Variants in CSMD1 observed in about 807,000 individuals in gnomAD.
The protein encoded by CSMD1 is CUB and Sushi multiple domains 1, also known as CUB and sushi domain-containing protein 1.
Under a neutral mutation model 417.5 loss-of-function variants are expected in CSMD1, and 213 were observed. The ratio of observed to expected loss-of-function variants is 0.51; its 90% CI spans 0.46 to 0.57. CSMD1 has a LOEUF of 0.57. Among genes scored for constraint, CSMD1 ranks in the 20% least tolerant of loss-of-function variants. CSMD1 has a pLI of 0.00. For missense variants in CSMD1, 6,923 were observed against 4,529.7 expected, an observed-to-expected ratio of 1.53 and a Z score of -15.17; for synonymous variants, 2,862 against 1,736.8, an observed-to-expected ratio of 1.65 and a Z score of -16.11.
intron 3 of CSMD1, among the ~76,000 whole-genome samples, chr8:4,200,938 A>C (rs1486432782): frequency 6.6e-6 from 1 of 152,162 alleles, no homozygotes; most frequent in Non-Finnish European, 1.5e-5. Context: ...TGTCTTTTCT[A>C]ATCTCCATAA....
chr8:3,505,003 T>C (rs1212637092), intron 10 of CSMD1, among the ~76,000 whole-genome samples: 1 of 111,804 alleles, frequency 8.9e-6, no homozygotes, highest in Non-Finnish European at 1.8e-5. Flanking sequence ...AAAACAGTGA[T>C]GGAGAAACAG....
intron 5 of CSMD1, among the ~76,000 whole-genome samples, chr8:3,937,865 C>G (rs2912287): frequency 2.0e-5 from 3 of 151,898 alleles, no homozygotes; most frequent in Non-Finnish European, 4.4e-5. Flanking sequence ...AAATATTACT[C>G]GAATTACTGC....
At chr8:3,558,315 AAT>A in intron 10 of CSMD1, among the ~76,000 whole-genome samples, 1 of 136,750 alleles carries the variant, frequency 7.3e-6, no homozygotes, top group Non-Finnish European at 1.6e-5. Flanking sequence ...TCACTCCTCC[AAT>A]GATGAATGAT....
chr8:4,690,068 G>C (rs1806669375), intron 1 of CSMD1, among the ~76,000 whole-genome samples: 1 of 152,168 alleles, frequency 6.6e-6, no homozygotes, highest in Non-Finnish European at 1.5e-5. Context: ...ACATTATACG[G>C]AGAAGAGTTA....
At chr8:3,859,324 T>C (rs986704789) in intron 5 of CSMD1, among the ~76,000 whole-genome samples, 2 of 152,190 alleles carry the variant, frequency 1.3e-5, no homozygotes, top group African/African-American at 4.8e-5. Context: ...GCTCGGCCTA[T>C]TTTTTGTCAC....
At chr8:3,505,034 G>C (rs1220415915) in intron 10 of CSMD1, among the ~76,000 whole-genome samples, 1 of 151,654 alleles carries the variant, frequency 6.6e-6, no homozygotes, top group East Asian at 1.9e-4. Flanking sequence ...AAAAAGTTTT[G>C]CTGCATAAGA....
rs1415384458 is a variant in CSMD1 at position 3,448,420 on chromosome 8, GA to G, written c.1561+20291del. Among the ~76,000 whole-genome samples the G allele has an allele frequency of 1.4e-4, 21 of 148,254 alleles. 2 individuals are homozygous for G. The highest frequency in any genetic ancestry group is 3.5e-4 in the African/African-American group (14 of 40,132). ...AAGGGAAGGAAGGAAGGAAGGAAGG[GA>G]AGGAAGAAGGAGCAATGAAGATGAC... On this transcript the variant is annotated intron_variant, in intron 12 of 69. Transcript: ENST00000635120.
At chr8:4,436,752 A>C (rs1246562361) in intron 2 of CSMD1, among the ~76,000 whole-genome samples, 1 of 152,160 alleles carries the variant, frequency 6.6e-6, no homozygotes, top group Non-Finnish European at 1.5e-5. Flanking sequence ...TAGATCCCAC[A>C]AATAAGTGAT....
intron 5 of CSMD1, among the ~76,000 whole-genome samples, chr8:3,860,896 G>C (rs1316879131): frequency 2.0e-5 from 3 of 152,164 alleles, no homozygotes; most frequent in African/African-American, 7.2e-5. Context: ...GTTAGCACTA[G>C]AAATCTAGTC....
At chr8:4,174,341 G>C (rs968644543) in intron 3 of CSMD1, among the ~76,000 whole-genome samples, 1 of 152,114 alleles carries the variant, frequency 6.6e-6, no homozygotes, top group Non-Finnish European at 1.5e-5. Context: ...CCGTTTTACA[G>C]ATTAAAGTGC....
intron 3 of CSMD1, among the ~76,000 whole-genome samples, chr8:4,143,229 C>A (rs35266565): frequency 0.3 from 45,345 of 150,864 alleles, 8,477 homozygotes; most frequent in Non-Finnish European, 0.39. Context: ...TGGTCTAAAC[C>A]CTCTTATAGG....
At chr8:4,768,700 C>T (rs759313836) in intron 1 of CSMD1, among the ~76,000 whole-genome samples, 30 of 152,276 alleles carry the variant, frequency 2.0e-4, no homozygotes, top group Non-Finnish European at 4.1e-4. Context: ...AAACACTTAC[C>T]CGAGGCACTG....
At chr8:4,354,027 T>C (rs569526433) in intron 3 of CSMD1, among the ~76,000 whole-genome samples, 1 of 152,320 alleles carries the variant, frequency 6.6e-6, no homozygotes, top group African/African-American at 2.4e-5. Flanking sequence ...TCAGGCTTTT[T>C]CCTCTCCATA....
In CSMD1 at chr8:2,957,678, G is replaced by A. The variant is rs1328145759; in HGVS notation, c.9814+18C>T. 2.1e-6 allele frequency: 3 copies of A among 1,453,698 alleles called. No individual in the cohort carries two copies. The highest frequency in any genetic ancestry group is 1.9e-5 in the Admixed American group (1 of 52,558). The allele number at this position is 1,453,698 out of a possible 1,614,324, so 90.0% of individuals were successfully genotyped here. On this transcript the variant is annotated intron_variant, in intron 63 of 69. Coordinates refer to ENST00000635120, the MANE Select transcript of CSMD1 (RefSeq NM_033225.6). ...TAAATAGGTGACTTGTGATGGGGGT[G>A]GAAGAAATCACACTTACGTATACAT...
chr8:3,823,181 C>T (rs1357172592), intron 5 of CSMD1, among the ~76,000 whole-genome samples: 1 of 152,120 alleles, frequency 6.6e-6, no homozygotes, highest in Non-Finnish European at 1.5e-5. Context: ...TTTACCACAT[C>T]AGAGAACTCA....
At chr8:4,736,611 A>C (rs893280235) in intron 1 of CSMD1, among the ~76,000 whole-genome samples, 1 of 152,176 alleles carries the variant, frequency 6.6e-6, no homozygotes, top group African/African-American at 2.4e-5. Flanking sequence ...ACTGGAGCTA[A>C]AAGGCAGGGA....
chr8:4,795,946 C>G (rs1302386470), intron 1 of CSMD1, among the ~76,000 whole-genome samples: 5 of 152,182 alleles, frequency 3.3e-5, no homozygotes, highest in Non-Finnish European at 7.3e-5. Context: ...TAAGCCATCA[C>G]TACTTGATAT....
In CSMD1 at chr8:3,539,577, T is replaced by G. The variant is rs573718112; in HGVS notation, c.1344+35368A>C. Among the ~76,000 whole-genome samples the G allele has an allele frequency of 1.1e-3, 163 of 152,226 alleles. 1 individual carries two copies. Among genetic ancestry groups the G allele is most frequent in the African/African-American group, 3.9e-3 (160 of 41,526 alleles). On this transcript the variant is annotated intron_variant, in intron 10 of 69. Transcript: ENST00000635120. Reference sequence around the variant, plus strand: ...AAGCGTGATTCAGAAGTTGTAACACTTCGCCAAGAATTGAAGCGAAACACA... The same window carrying G: ...AAGCGTGATTCAGAAGTTGTAACACGTCGCCAAGAATTGAAGCGAAACACA...
intron 50 of CSMD1, among the ~76,000 whole-genome samples, chr8:3,037,707 G>A (rs28618362): frequency 0.037 from 5,572 of 152,168 alleles, 352 homozygotes; most frequent in African/African-American, 0.13. Context: ...ACAGCTTAAC[G>A]AAATGATTCC....
Sources: gnomAD v4.1 joint callset for allele counts (sites outside exome capture counted in the v4.1 genomes callset) on GRCh38, gnomAD v4.1.1 for gene constraint, MANE v1.5 for transcripts, NCBI Gene and HGNC (gene_info 2026-07-23, HGNC 2026-07-21) for gene names.